The following SRD5A2 variants were observed in gnomAD, a reference collection of about 807,000 sequenced individuals.
SRD5A2 encodes the protein steroid 5 alpha-reductase 2.
In SRD5A2, 30 loss-of-function variants were observed where a neutral mutation model predicts 27.4. The ratio of observed to expected loss-of-function variants is 1.10; its 90% CI spans 0.82 to 1.49. The LOEUF is 1.49. SRD5A2 is among the 40% of genes most tolerant of loss of function. The probability of loss-of-function intolerance (pLI) is 0.00; values close to 1 mark genes in which losing one functional copy is unlikely to be tolerated. For missense variants in SRD5A2, 348 were observed against 323.4 expected (o/e 1.08, Z -0.58); for synonymous variants, 141 against 133.6 (o/e 1.06, Z -0.38).
intron 1 of SRD5A2, among the ~76,000 whole-genome samples, chr2:31,562,902 G>A (rs1666653357): frequency 6.6e-6 from 1 of 152,208 alleles, no homozygotes; most frequent in African/African-American, 2.4e-5. Flanking sequence ...ATCTACCTCA[G>A]CATATCTCCC....
chr2:31,603,949 T>C, the SRD5A2 span, among the ~76,000 whole-genome samples: 8 of 151,774 alleles, frequency 5.3e-5, no homozygotes, highest in Non-Finnish European at 8.8e-5. Context: ...GATTCTGGGC[T>C]TAATACCTAG....
At position 31,548,560 on chromosome 2, in the gene SRD5A2, G is replaced by A. The variant is rs149093686; in HGVS notation, c.282-14794C>T. Among the ~76,000 whole-genome samples, 9 of 152,180 alleles carry A rather than the reference G, an allele frequency of 5.9e-5. No individual in the cohort carries two copies. The East Asian group carries it at 1.7e-3, about 29-fold the overall frequency. On this transcript the variant is annotated intron_variant, in intron 1 of 4. Transcript: ENST00000622030. The stretch of plus-strand genomic sequence containing the variant: ...ATCTCCAACCAAACCAATTAAGATG[G>A]CTACTATTAAGAAAACAAAAAATAA...
Position 31,560,941 on chromosome 2 carries a change from T to C in SRD5A2, c.281+19679A>G, listed in dbSNP as rs922413530. ...TTGCAGAGAAAGGCAGCAACTCATC[T>C]AGTTTTTTGGATGGGTGCCCTCCCT... On this transcript the variant is annotated intron_variant, in intron 1 of 4. Transcript: ENST00000622030. Among the ~76,000 whole-genome samples, 3 of 152,294 alleles carry C rather than the reference T, an allele frequency of 2.0e-5. No homozygotes were observed. In the South Asian group the frequency reaches 6.2e-4, roughly 32 times the overall value.
chr2:31,642,734 T>A, the SRD5A2 span, among the ~76,000 whole-genome samples: 25 of 152,116 alleles, frequency 1.6e-4, no homozygotes, highest in African/African-American at 6.0e-4. Flanking sequence ...GAAACTTTAC[T>A]AATAATAACC....
chr2:31,657,775 A>G, the SRD5A2 span, among the ~76,000 whole-genome samples: 1 of 152,198 alleles, frequency 6.6e-6, no homozygotes, highest in Non-Finnish European at 1.5e-5. Context: ...CAGGAAAAAT[A>G]AAGGATCAAA....
the SRD5A2 span, among the ~76,000 whole-genome samples, chr2:31,650,182 T>A: frequency 6.6e-6 from 1 of 152,096 alleles, no homozygotes; most frequent in Non-Finnish European, 1.5e-5. Flanking sequence ...CCTGCAGACA[T>A]AGACCTCCCA....
chr2:31,629,516 C>T, the SRD5A2 span, among the ~76,000 whole-genome samples: 61 of 152,276 alleles, frequency 4.0e-4, no homozygotes, highest in East Asian at 8.3e-3. Flanking sequence ...TTAGCATAGC[C>T]GCCAGACTTA....
chr2:31,632,291 T>A, the SRD5A2 span, among the ~76,000 whole-genome samples: 1 of 152,206 alleles, frequency 6.6e-6, no homozygotes, highest in East Asian at 1.9e-4. Flanking sequence ...TTGGTGGCTC[T>A]GGAACACGGA....
the SRD5A2 span, among the ~76,000 whole-genome samples, chr2:31,616,389 A>G: frequency 6.6e-6 from 1 of 152,162 alleles, no homozygotes; most frequent in Non-Finnish European, 1.5e-5. Context: ...TAGACACTCA[A>G]TGCCAGCCCA....
chr2:31,635,092 T>C, the SRD5A2 span, among the ~76,000 whole-genome samples: 2 of 152,214 alleles, frequency 1.3e-5, no homozygotes, highest in African/African-American at 2.4e-5. Flanking sequence ...AATTTTAGTT[T>C]TTTAAGGAAC....
At chr2:31,626,653 T>C in the SRD5A2 span, among the ~76,000 whole-genome samples, 30 of 152,298 alleles carry the variant, frequency 2.0e-4, no homozygotes, top group African/African-American at 7.0e-4. Flanking sequence ...TATGATGGAT[T>C]ACATTTATTG....
intron 4 of SRD5A2, 68 bp downstream of exon 4, chr2:31,529,239 C>A (rs964169786): frequency 1.8e-5 from 29 of 1,581,264 alleles, no homozygotes; most frequent in Non-Finnish European, 2.5e-5. Context: ...TCTTCCTCTG[C>A]GGGTTAAAAG....
At chr2:31,593,042 T>C in the SRD5A2 span, among the ~76,000 whole-genome samples, 620 of 151,842 alleles carry the variant, frequency 4.1e-3, 9 homozygotes, top group African/African-American at 0.014. Context: ...TTCTCACTCA[T>C]AGATGGGAAT....
intron 1 of SRD5A2, among the ~76,000 whole-genome samples, chr2:31,571,670 A>G (rs1239334690): frequency 1.3e-5 from 2 of 152,196 alleles, no homozygotes; most frequent in African/African-American, 4.8e-5. Flanking sequence ...AAACTAATTT[A>G]CAAGCAAAAA....
At chr2:31,553,889 C>T (rs542232106) in intron 1 of SRD5A2, among the ~76,000 whole-genome samples, 20 of 152,002 alleles carry the variant, frequency 1.3e-4, no homozygotes, top group Non-Finnish European at 2.2e-4. Context: ...ACAGGGGTTA[C>T]GGAGGTTTGG....
At position 31,531,541 on chromosome 2, in the gene SRD5A2, ACTAAG is replaced by A. The variant is rs1279702675; in HGVS notation, c.446-74_446-70del. 1.2e-5 allele frequency: 12 copies of A among 1,041,168 alleles called. 1 individual carries two copies. The highest frequency in any genetic ancestry group is 1.6e-5 in the African/African-American group (1 of 62,794). The allele number at this position is 1,041,168 out of a possible 1,614,324, so 64.5% of individuals were successfully genotyped here. A position where few individuals can be genotyped will look rare whatever the true frequency, so the allele number is the denominator to read the frequency against. On this transcript the variant is annotated intron_variant, in intron 2 of 4. Coordinates refer to ENST00000622030, the MANE Select transcript of SRD5A2 (RefSeq NM_000348.4). ...CCAGATTGTGGTGCTTTTTTCACAA[ACTAAG>A]CTAAAATGAAAGGAGGGGCATTTAA...
At chr2:31,555,282 C>T (rs1308139179) in intron 1 of SRD5A2, among the ~76,000 whole-genome samples, 3 of 152,110 alleles carry the variant, frequency 2.0e-5, no homozygotes, top group African/African-American at 7.2e-5. Context: ...TTCATTCTCC[C>T]TTCTGATGGT....
chr2:31,615,040 T>A, the SRD5A2 span, among the ~76,000 whole-genome samples: 2 of 152,160 alleles, frequency 1.3e-5, no homozygotes, highest in African/African-American at 4.8e-5. Flanking sequence ...ATGCCTTTCA[T>A]CTTCTGCCAT....
chr2:31,623,880 G>C, the SRD5A2 span, among the ~76,000 whole-genome samples: 2 of 151,966 alleles, frequency 1.3e-5, no homozygotes, highest in Admixed American at 6.6e-5. Flanking sequence ...TTTGCCTTTA[G>C]TTCTGTTTAC....
Sources: gnomAD v4.1 joint callset for allele counts (sites outside exome capture counted in the v4.1 genomes callset) on GRCh38, gnomAD v4.1.1 for gene constraint, MANE v1.5 for transcripts, NCBI Gene and HGNC (gene_info 2026-07-23, HGNC 2026-07-21) for gene names.